SPTBN1: variants seen among roughly 807,000 people sequenced by gnomAD.
SPTBN1 encodes the protein spectrin beta chain, non-erythrocytic 1.
Under a neutral mutation model 266.4 loss-of-function variants are expected in SPTBN1, and 32 were observed. The ratio of observed to expected loss-of-function variants is 0.12; its 90% CI spans 0.09 to 0.16. SPTBN1 has a LOEUF of 0.16. Ranked by LOEUF, SPTBN1 falls within the 10% of genes least tolerant of loss-of-function variation. SPTBN1 has a pLI of 1.00. For missense variants in SPTBN1, 2,296 were observed against 3,067.1 expected (o/e 0.75, Z 5.94); for synonymous variants, 1,336 against 1,162.2 (o/e 1.15, Z -3.04).
chr2:54,506,222 A>G (rs1669548287), intron 1 of SPTBN1, among the ~76,000 whole-genome samples: 1 of 152,086 alleles, frequency 6.6e-6, no homozygotes, highest in Non-Finnish European at 1.5e-5. Context: ...TGGCCCTGGG[A>G]CCTTCCCCGT....
chr2:54,636,088 A>G (rs773055812), intron 17 of SPTBN1, among the ~76,000 whole-genome samples: 29 of 152,218 alleles, frequency 1.9e-4, no homozygotes, highest in Non-Finnish European at 3.8e-4. Context: ...CATCTGTAGC[A>G]TATGCCATTT....
rs1558814477 is a variant in SPTBN1, at chr2:54,533,921, C to T, written c.148+7355C>T. On this transcript the variant is annotated intron_variant, in intron 2 of 35. Transcript: ENST00000356805. The surrounding 1 kb of genome is among the most constrained non-coding windows in gnomAD (Gnocchi z 4.2). ...TCTCTCACACACACACACACACACA[C>T]ACACACGCACGCACGCACACAAACA... Among the ~76,000 whole-genome samples, 1 of 150,764 alleles carries T rather than the reference C, an allele frequency of 6.6e-6. No homozygotes were observed. The highest frequency in any genetic ancestry group is 1.5e-5 in the Non-Finnish European group (1 of 67,944).
At chr2:54,635,816 C>T (rs567330731) in intron 17 of SPTBN1, among the ~76,000 whole-genome samples, 1 of 152,318 alleles carries the variant, frequency 6.6e-6, no homozygotes, top group Admixed American at 6.5e-5. Context: ...TAAAGATTTG[C>T]GTTCTTGAAC....
intron 2 of SPTBN1, among the ~76,000 whole-genome samples, chr2:54,575,605 T>C (rs967857599): frequency 6.6e-5 from 10 of 152,262 alleles, no homozygotes. Flanking sequence ...AGCGTTGACA[T>C]ATCAGGATTC....
intron 1 of SPTBN1, among the ~76,000 whole-genome samples, chr2:54,502,448 T>C (rs1669325668): frequency 6.6e-6 from 1 of 152,188 alleles, no homozygotes; most frequent in South Asian, 2.1e-4. Flanking sequence ...CCTGACATAA[T>C]TGTCTATTTC....
chr2:54,645,951 T>A lies in SPTBN1; in HGVS notation c.4518T>A (p.Pro1506=). The A allele has an allele frequency of 6.2e-7, 1 of 1,614,218 alleles. No individual in the cohort carries two copies. Among genetic ancestry groups the A allele is most frequent in the Non-Finnish European group, 8.5e-7 (1 of 1,180,046 alleles). Residue 1506 remains proline (P), a synonymous_variant, in exon 22 of 36, where the codon CCT becomes CCA. Coordinates refer to ENST00000356805, the MANE Select transcript of SPTBN1 (RefSeq NM_003128.3). This position sits in a 1 kb window ranked among gnomAD's most constrained non-coding sequence, Gnocchi z 4.3. ...AGTTGTGGGTTGGAGAGAGGATGCC[T>A]TTGGCAACTTCCACGGATCATGGCC... The part of the protein sequence containing the change: ...DEILWVGERM[P]LATSTDHGHN...
chr2:54,597,611 C>T (rs1029184361), intron 2 of SPTBN1, among the ~76,000 whole-genome samples: 3 of 152,174 alleles, frequency 2.0e-5, no homozygotes, highest in Non-Finnish European at 4.4e-5. Context: ...ATTCTCCTGC[C>T]AGGTCGGCAG....
intron 2 of SPTBN1, among the ~76,000 whole-genome samples, chr2:54,590,066 T>G (rs906898823): frequency 6.6e-6 from 1 of 152,256 alleles, no homozygotes; most frequent in Non-Finnish European, 1.5e-5. Flanking sequence ...TTGTGTATTT[T>G]GCAACTTCAC....
In SPTBN1 at chr2:54,668,659, T is replaced by A; in HGVS notation, c.*90T>A. 1.9e-6 allele frequency: 2 copies of A among 1,044,928 alleles called. No homozygotes were observed. The highest frequency in any genetic ancestry group is 1.5e-5 in the South Asian group (1 of 68,472). The allele number at this position is 1,044,928 out of a possible 1,614,324, so 64.7% of individuals were successfully genotyped here. ...GAACCAACACATTACTCTCTGTGCC[T>A]AATGTTCCTCAATGTGGTTGATTTT... On this transcript the variant is annotated 3_prime_UTR_variant, in exon 36 of 36. Transcript: ENST00000356805.
chr2:54,508,707 A>C (rs536092011), intron 1 of SPTBN1, among the ~76,000 whole-genome samples: 1 of 152,134 alleles, frequency 6.6e-6, no homozygotes, highest in African/African-American at 2.4e-5. Context: ...CCAGATGAGA[A>C]GGAGGAAAAC....
chr2:54,464,408 A>G (rs13391936), intron 1 of SPTBN1, among the ~76,000 whole-genome samples: 5,438 of 152,308 alleles, frequency 0.036, 123 homozygotes, highest in South Asian at 0.075. Context: ...GTTAGTGGAA[A>G]TATCTGGATG....
intron 2 of SPTBN1, among the ~76,000 whole-genome samples, chr2:54,552,081 A>C (rs983062999): frequency 6.6e-6 from 1 of 152,162 alleles, no homozygotes; most frequent in African/African-American, 2.4e-5. Flanking sequence ...TGGTCCTGCC[A>C]CTGAGAAATG....
intron 24 of SPTBN1, among the ~76,000 whole-genome samples, chr2:54,648,436 C>T (rs1279514930): frequency 6.6e-6 from 1 of 152,184 alleles, no homozygotes; most frequent in African/African-American, 2.4e-5. Flanking sequence ...GCCGGTCCAG[C>T]CCTCCTAACA....
chr2:54,473,334 C>T (rs1012482454), intron 1 of SPTBN1, among the ~76,000 whole-genome samples: 1 of 152,084 alleles, frequency 6.6e-6, no homozygotes, highest in South Asian at 2.1e-4. Context: ...TTGGAAAATG[C>T]GTGTGTGGGC....
At chr2:54,538,214 G>A (rs986220751) in intron 2 of SPTBN1, among the ~76,000 whole-genome samples, 1 of 152,306 alleles carries the variant, frequency 6.6e-6, no homozygotes, top group African/African-American at 2.4e-5. Flanking sequence ...TAGCGTTTCA[G>A]TCTTTAGAAT....
At chr2:54,600,724 T>TTC (rs1037184749) in intron 3 of SPTBN1, among the ~76,000 whole-genome samples, 10 of 151,608 alleles carry the variant, frequency 6.6e-5, no homozygotes, top group African/African-American at 2.4e-4. Context: ...ATTTTTTTTT[T>TTC]TTTTTTGTGG....
intron 17 of SPTBN1, among the ~76,000 whole-genome samples, chr2:54,636,479 A>G (rs554709566): frequency 1.3e-5 from 2 of 152,286 alleles, no homozygotes; most frequent in South Asian, 2.1e-4. Context: ...CAGGCAGACA[A>G]TGGCTATGAC....
At position 54,526,366 on chromosome 2, in the gene SPTBN1, T is replaced by C; in HGVS notation, c.-47-6T>C. Reference sequence around the variant, plus strand: ...GTCTAAATGTTTTTCCTTTTCTTTCTCATAGAACTCTAAGAAGGAGCTGAT... The same window carrying C: ...GTCTAAATGTTTTTCCTTTTCTTTCCCATAGAACTCTAAGAAGGAGCTGAT... On this transcript the variant is annotated splice_polypyrimidine_tract_variant and splice_region_variant and intron_variant, in intron 1 of 35. Coordinates refer to ENST00000356805, the MANE Select transcript of SPTBN1 (RefSeq NM_003128.3). 1 of 1,600,604 alleles carries C rather than the reference T, an allele frequency of 6.2e-7. No individual in the cohort carries two copies. The highest frequency in any genetic ancestry group is 1.7e-5 in the Admixed American group (1 of 57,810).
At chr2:54,567,461 C>T (rs1192003720) in intron 2 of SPTBN1, among the ~76,000 whole-genome samples, 2 of 152,056 alleles carry the variant, frequency 1.3e-5, no homozygotes, top group Admixed American at 6.5e-5. Flanking sequence ...CCACCTCAGC[C>T]TCCCAAGTAG....
Sources: gnomAD v4.1 joint callset for allele counts (sites outside exome capture counted in the v4.1 genomes callset) on GRCh38, gnomAD v4.1.1 for gene constraint, Gnocchi (gnomAD v3.1) non-coding constraint, MANE v1.5 for transcripts, NCBI Gene and HGNC (gene_info 2026-07-23, HGNC 2026-07-21) for gene names.